Variants in MAML2 observed in about 807,000 individuals in gnomAD.
MAML2 encodes mastermind-like protein 2.
A neutral mutation model predicts 96.1 loss-of-function variants in MAML2; 22 were observed. That is an observed-to-expected ratio of 0.23 (90% CI 0.16 to 0.33). The LOEUF (loss-of-function observed/expected upper bound fraction) is 0.33. Ranked by LOEUF, MAML2 falls within the 10% of genes least tolerant of loss-of-function variation. The probability of loss-of-function intolerance (pLI) is 1.00; values close to 1 mark genes in which losing one functional copy is unlikely to be tolerated. For missense variants in MAML2, 1,367 were observed against 1,392.4 expected (o/e 0.98, Z 0.29); for synonymous variants, 561 against 521.3 (o/e 1.08, Z -1.04).
Position 96,033,208 on chromosome 11 carries a change from C to T in MAML2, c.2140-41485G>A, listed in dbSNP as rs190620478. On this transcript the variant is annotated intron_variant, in intron 2 of 4. Transcript: ENST00000524717. ...TCACAGTTCCCTCAAATTCCTTTTC[C>T]TGGCATTGCTCAACCTTATCTTGTA... Among the ~76,000 whole-genome samples, 524 of 152,324 alleles carry T rather than the reference C, an allele frequency of 3.4e-3. 5 individuals carry two copies. Among genetic ancestry groups the T allele is most frequent in the South Asian group, 0.028 (134 of 4,826 alleles).
chr11:95,981,392 G>T (rs988819861), intron 4 of MAML2, among the ~76,000 whole-genome samples: 2 of 152,220 alleles, frequency 1.3e-5, no homozygotes, highest in Non-Finnish European at 2.9e-5. Context: ...TGGAGGCAAA[G>T]ATGATCAGGG....
intron 1 of MAML2, among the ~76,000 whole-genome samples, chr11:96,166,006 T>TA (rs1483851106): frequency 6.6e-6 from 1 of 152,172 alleles, no homozygotes; most frequent in East Asian, 1.9e-4. Context: ...ATGGACAGAC[T>TA]AATGGACACA....
At chr11:96,330,995 G>T (rs757398409) in intron 1 of MAML2, among the ~76,000 whole-genome samples, 35 of 152,206 alleles carry the variant, frequency 2.3e-4, no homozygotes, top group Non-Finnish European at 3.8e-4. Flanking sequence ...TACCAGCCAG[G>T]CATGGTGGCT....
At chr11:96,341,170 C>T (rs1047677480) in intron 1 of MAML2, among the ~76,000 whole-genome samples, 3 of 152,126 alleles carry the variant, frequency 2.0e-5, no homozygotes, top group Admixed American at 2.0e-4. Context: ...AAGGAATATC[C>T]TATAAGCGAA....
At chr11:96,213,488 T>G (rs1036605161) in intron 1 of MAML2, among the ~76,000 whole-genome samples, 3 of 152,356 alleles carry the variant, frequency 2.0e-5, no homozygotes, top group South Asian at 4.1e-4. Context: ...CTCTTATAAC[T>G]GTATAAAATA....
chr11:96,010,885 T>G (rs1254242407), intron 2 of MAML2, among the ~76,000 whole-genome samples: 1 of 152,238 alleles, frequency 6.6e-6, no homozygotes, highest in African/African-American at 2.4e-5. Flanking sequence ...CAATTATGTT[T>G]AGAAGAAATT....
chr11:96,293,484 T>C (rs928215648), intron 1 of MAML2, among the ~76,000 whole-genome samples: 2 of 152,200 alleles, frequency 1.3e-5, no homozygotes, highest in Non-Finnish European at 2.9e-5. Context: ...TGTTAAATCA[T>C]ACAACTTTTT....
At chr11:96,181,371 A>T (rs1311778615) in intron 1 of MAML2, among the ~76,000 whole-genome samples, 4 of 152,022 alleles carry the variant, frequency 2.6e-5, no homozygotes, top group Non-Finnish European at 5.9e-5. Flanking sequence ...ATGAGAGGAT[A>T]ATTGGGAGTT....
At chr11:96,287,842 G>A (rs913742417) in intron 1 of MAML2, among the ~76,000 whole-genome samples, 4 of 152,154 alleles carry the variant, frequency 2.6e-5, no homozygotes, top group African/African-American at 9.7e-5. Flanking sequence ...TGGCTAAAAA[G>A]TTAAGAAATC....
chr11:96,169,078 T>G (rs573681203), intron 1 of MAML2, among the ~76,000 whole-genome samples: 5 of 152,356 alleles, frequency 3.3e-5, no homozygotes, highest in Middle Eastern at 3.4e-3. Flanking sequence ...ATGGGTGGGT[T>G]AAGTTTCTCT....
intron 2 of MAML2, among the ~76,000 whole-genome samples, chr11:96,005,570 A>G (rs1279278602): frequency 6.6e-6 from 1 of 152,240 alleles, no homozygotes; most frequent in Non-Finnish European, 1.5e-5. Flanking sequence ...TATAATGAAC[A>G]AATAATAGAT....
At chr11:96,310,000 G>A (rs2136003702) in intron 1 of MAML2, among the ~76,000 whole-genome samples, 1 of 152,144 alleles carries the variant, frequency 6.6e-6, no homozygotes, top group East Asian at 1.9e-4. Context: ...ACCACACCTG[G>A]TCAGAATGAT....
At chr11:95,984,532 C>T (rs1857795695) in intron 4 of MAML2, among the ~76,000 whole-genome samples, 1 of 152,192 alleles carries the variant, frequency 6.6e-6, no homozygotes, top group Non-Finnish European at 1.5e-5. Context: ...AAGCAATCCT[C>T]CCACCTCTGC....
At chr11:96,149,810 C>G (rs1860890943) in intron 1 of MAML2, among the ~76,000 whole-genome samples, 1 of 152,124 alleles carries the variant, frequency 6.6e-6, no homozygotes, top group Non-Finnish European at 1.5e-5. Context: ...CTCTTTGTCT[C>G]CTTCTGTCTT....
At chr11:96,235,092 T>C (rs896541114) in intron 1 of MAML2, among the ~76,000 whole-genome samples, 1 of 152,176 alleles carries the variant, frequency 6.6e-6, no homozygotes, top group Non-Finnish European at 1.5e-5. Context: ...TTTTAGCTAA[T>C]TAATAGCACC....
rs1295651505 is a variant in MAML2 at position 96,203,154 on chromosome 11, C to T, written c.514-109637G>A. ...TTAATCAACAAATACCTATTGAATA[C>T]CTTATAGATGCCAGGCTGTGTTTTA... On this transcript the variant is annotated intron_variant, in intron 1 of 4. Transcript: ENST00000524717. Among the ~76,000 whole-genome samples the T allele has an allele frequency of 2.0e-5, 3 of 152,092 alleles. No homozygotes were observed. The East Asian group carries it at 5.8e-4, about 29-fold the overall frequency.
chr11:96,204,282 A>G (rs185221435), intron 1 of MAML2, among the ~76,000 whole-genome samples: 1 of 152,354 alleles, frequency 6.6e-6, no homozygotes, highest in Admixed American at 6.5e-5. Flanking sequence ...TTGAGCACCT[A>G]CTACGCGCCA....
intron 2 of MAML2, among the ~76,000 whole-genome samples, chr11:96,050,983 T>C (rs1413712468): frequency 6.6e-6 from 1 of 152,196 alleles, no homozygotes; most frequent in Non-Finnish European, 1.5e-5. Context: ...TGATGTGTGA[T>C]AGTCTTAGGA....
chr11:96,069,095 T>A (rs942226713), intron 2 of MAML2, among the ~76,000 whole-genome samples: 1 of 151,700 alleles, frequency 6.6e-6, no homozygotes, highest in Non-Finnish European at 1.5e-5. Flanking sequence ...GCCCAGCTAG[T>A]TTTTAATTTT....
Sources: allele counts gnomAD v4.1 joint callset (sites outside exome capture counted in the v4.1 genomes callset), GRCh38; gene constraint gnomAD v4.1.1; transcripts MANE v1.5; gene names NCBI Gene and HGNC (gene_info 2026-07-23, HGNC 2026-07-21).